The following SLC39A11 variants were observed in gnomAD, a reference collection of about 807,000 sequenced individuals.
SLC39A11 encodes the protein solute carrier family 39 member 11.
In SLC39A11, 33 loss-of-function variants were observed where a neutral mutation model predicts 36.1. That is an observed-to-expected ratio of 0.91 (90% confidence interval 0.69 to 1.22). The LOEUF is 1.22. Ranked by LOEUF, SLC39A11 falls within the 50% of genes most tolerant of loss-of-function variation. SLC39A11 has a pLI of 0.00. For missense variants in SLC39A11, 432 were observed against 430.3 expected (o/e 1.00, Z -0.03); for synonymous variants, 166 against 170.3 (o/e 0.97, Z 0.20).
intron 5 of SLC39A11, among the ~76,000 whole-genome samples, chr17:72,876,471 T>C (rs2080901424): frequency 6.6e-6 from 1 of 152,216 alleles, no homozygotes; most frequent in Non-Finnish European, 1.5e-5. Flanking sequence ...CTGATATTTA[T>C]GGTTTCTTTT....
At chr17:73,077,409 C>T (rs1277893010) in intron 3 of SLC39A11, among the ~76,000 whole-genome samples, 1 of 152,234 alleles carries the variant, frequency 6.6e-6, no homozygotes, top group Non-Finnish European at 1.5e-5. Flanking sequence ...CCTCTGCCTC[C>T]CAGGCTCGAG....
chr17:73,034,158 G>A (rs2058829468), intron 3 of SLC39A11, among the ~76,000 whole-genome samples: 1 of 152,188 alleles, frequency 6.6e-6, no homozygotes, highest in Non-Finnish European at 1.5e-5. Flanking sequence ...GCCCTCAGTA[G>A]CTGCCCTGCA....
intron 5 of SLC39A11, among the ~76,000 whole-genome samples, chr17:72,946,750 T>G (rs1367969216): frequency 6.6e-6 from 1 of 152,210 alleles, no homozygotes; most frequent in Non-Finnish European, 1.5e-5. Context: ...ACTCTCCTCA[T>G]GCTCACTGGC....
intron 7 of SLC39A11, among the ~76,000 whole-genome samples, chr17:72,682,082 A>T (rs1207213939): frequency 6.7e-6 from 1 of 148,198 alleles, no homozygotes; most frequent in Admixed American, 6.6e-5. Flanking sequence ...AGGAGCACGA[A>T]CCCTATCGTG....
chr17:72,886,773 C>G (rs2081456566), intron 5 of SLC39A11, among the ~76,000 whole-genome samples: 1 of 152,170 alleles, frequency 6.6e-6, no homozygotes, highest in South Asian at 2.1e-4. Context: ...CTTGACTGTC[C>G]CTCAAATACA....
At chr17:73,058,868 G>A (rs762034476) in intron 3 of SLC39A11, among the ~76,000 whole-genome samples, 7 of 152,070 alleles carry the variant, frequency 4.6e-5, no homozygotes, top group Non-Finnish European at 7.4e-5. Context: ...TACCAAAAAT[G>A]TGACTACCAA....
At chr17:73,014,644 G>A (rs778918996) in intron 4 of SLC39A11, among the ~76,000 whole-genome samples, 1 of 152,192 alleles carries the variant, frequency 6.6e-6, no homozygotes, top group East Asian at 1.9e-4. Context: ...GTGACAGAGC[G>A]AAACCCTTTC....
intron 7 of SLC39A11, among the ~76,000 whole-genome samples, chr17:72,665,776 T>C (rs1271811864): frequency 6.6e-6 from 1 of 152,046 alleles, no homozygotes; most frequent in Non-Finnish European, 1.5e-5. Context: ...ACCTAGTCTT[T>C]CTCTTTCTTT....
chr17:72,922,630 G>T (rs1328437997), intron 5 of SLC39A11, among the ~76,000 whole-genome samples: 2 of 152,122 alleles, frequency 1.3e-5, no homozygotes, highest in Non-Finnish European at 2.9e-5. Flanking sequence ...TCAATGAGTA[G>T]AACTACTGCC....
At chr17:73,068,127 T>G (rs1377604960) in intron 3 of SLC39A11, 7 of 1,366,254 alleles carry the variant, frequency 5.1e-6, no homozygotes, top group Non-Finnish European at 7.3e-6. Flanking sequence ...AAAATGTCAA[T>G]TTTTTTCTTG....
intron 4 of SLC39A11, among the ~76,000 whole-genome samples, chr17:72,975,817 CAGGTATGGTGT>C (rs2148105270): frequency 6.6e-6 from 1 of 152,160 alleles, no homozygotes; most frequent in African/African-American, 2.4e-5. Context: ...AAGGCTACAG[CAGGTATGGTGT>C]ATAGAGCAGG....
intron 5 of SLC39A11, among the ~76,000 whole-genome samples, chr17:72,900,090 AAGAGAAAAG>A (rs1379267024): frequency 9.5e-6 from 1 of 105,488 alleles, no homozygotes; most frequent in East Asian, 3.0e-4. Context: ...GAGAAAGAGA[AAGAGAAAAG>A]AAAGAAAGAA....
chr17:72,888,079 T>TG (rs1257216891), intron 5 of SLC39A11, among the ~76,000 whole-genome samples: 1 of 152,244 alleles, frequency 6.6e-6, no homozygotes, highest in African/African-American at 2.4e-5. Flanking sequence ...TGATTTGAGA[T>TG]GTCTCAAGAG....
intron 6 of SLC39A11, among the ~76,000 whole-genome samples, chr17:72,834,048 C>G (rs1598917913): frequency 6.6e-6 from 1 of 152,280 alleles, no homozygotes; most frequent in East Asian, 1.9e-4. Context: ...TGGAACTCCT[C>G]CCAAGGCAAG....
At chr17:73,081,349 G>A (rs1417442984) in intron 3 of SLC39A11, among the ~76,000 whole-genome samples, 1 of 152,016 alleles carries the variant, frequency 6.6e-6, no homozygotes, top group African/African-American at 2.4e-5. Flanking sequence ...TGGTGAAAAG[G>A]GAACACTTTT....
At chr17:72,814,502 C>G (rs2077523811) in intron 6 of SLC39A11, among the ~76,000 whole-genome samples, 1 of 152,168 alleles carries the variant, frequency 6.6e-6, no homozygotes, top group Admixed American at 6.5e-5. Context: ...CTCTGGAGAA[C>G]TGGGCTCTGA....
At chr17:72,655,688 C>T (rs2070080133) in intron 7 of SLC39A11, among the ~76,000 whole-genome samples, 1 of 152,198 alleles carries the variant, frequency 6.6e-6, no homozygotes, top group Non-Finnish European at 1.5e-5. Flanking sequence ...GAGCCTGCAA[C>T]CGGGGTGCTT....
At chr17:72,877,352 A>G (rs1030107882) in intron 5 of SLC39A11, among the ~76,000 whole-genome samples, 5 of 152,184 alleles carry the variant, frequency 3.3e-5, no homozygotes, top group Non-Finnish European at 7.3e-5. Flanking sequence ...AGTAATTCAC[A>G]AGGCAAAATT....
intron 6 of SLC39A11, among the ~76,000 whole-genome samples, chr17:72,778,105 A>G (rs2144817922): frequency 6.6e-6 from 1 of 152,234 alleles, no homozygotes; most frequent in Non-Finnish European, 1.5e-5. Context: ...GGGTTTCACC[A>G]TGTTGGCCAC....
Sources: allele counts gnomAD v4.1 joint callset (sites outside exome capture counted in the v4.1 genomes callset), GRCh38; gene constraint gnomAD v4.1.1; transcripts MANE v1.5; gene names NCBI Gene and HGNC (gene_info 2026-07-23, HGNC 2026-07-21).